Variants in HSD17B11 observed in about 807,000 individuals in gnomAD.
HSD17B11 encodes the protein estradiol 17-beta-dehydrogenase 11.
HSD17B11 carries 22 observed loss-of-function variants against 27.8 expected under a neutral mutation model. The observed-to-expected ratio is 0.79, with a 90% confidence interval of 0.56 to 1.13. HSD17B11 has a LOEUF of 1.13. Ranked by LOEUF, HSD17B11 falls within the 50% of genes most tolerant of loss-of-function variation. The pLI, the probability that HSD17B11 is intolerant of heterozygous loss-of-function variation, is 0.00. For synonymous variants in HSD17B11, 117 were observed against 132.8 expected, an observed-to-expected ratio of 0.88 and a Z score of 0.82; for missense variants, 314 against 351.1, an observed-to-expected ratio of 0.89 and a Z score of 0.84.
Position 87,340,602 on chromosome 4 carries a change from C to A in HSD17B11, c.700G>T (p.Gly234Ter), listed in dbSNP as rs138228830. Residue 234 changes from glycine to a stop codon, truncating the protein, a stop_gained, in exon 6 of 7, where the codon GGA becomes TGA. Coordinates refer to ENST00000358290, the MANE Select transcript of HSD17B11 (RefSeq NM_016245.5). LOFTEE classifies it high-confidence loss of function. The part of the protein sequence containing the change: ...GFIKNPSTSL[G>*]PTLEPEEVVN... ...ACTTCCTCAGGTTCCAGAGTGGGTC[C>A]CAAACTGAAATCAGAGTCAGTCTTC... 3 of 1,606,560 alleles carry A rather than the reference C, an allele frequency of 1.9e-6. No individual in the cohort carries two copies. The African/African-American group carries it at 4.0e-5, about 22-fold the overall frequency.
intron 5 of HSD17B11, among the ~76,000 whole-genome samples, chr4:87,341,104 C>T (rs1031523809): frequency 5.9e-5 from 9 of 152,006 alleles, no homozygotes; most frequent in South Asian, 2.1e-4. Context: ...ACCTTTAGGC[C>T]CTTCATCTCC....
In HSD17B11 at chr4:87,382,543, C is replaced by A. The variant is rs574250273; in HGVS notation, c.211-181G>T. ...GCACATTTTGCTTTTAGTATTTTGACTAGCTTCTTTTATTTGGAGCTGAAT... is the reference window on the plus strand; with the variant it reads ...GCACATTTTGCTTTTAGTATTTTGAATAGCTTCTTTTATTTGGAGCTGAAT... On this transcript the variant is annotated intron_variant, in intron 1 of 6. Coordinates refer to ENST00000358290, the MANE Select transcript of HSD17B11 (RefSeq NM_016245.5). Among the ~76,000 whole-genome samples the A allele has an allele frequency of 2.6e-5, 4 of 152,270 alleles. No homozygotes were observed. The East Asian group carries it at 7.7e-4, about 29-fold the overall frequency.
In HSD17B11 at chr4:87,353,102, T is replaced by C. The variant is rs1735316853; in HGVS notation, c.695+4177A>G. Among the ~76,000 whole-genome samples, 2 of 104,916 alleles carry C rather than the reference T, an allele frequency of 1.9e-5. 1 individual carries two copies. The highest frequency in any genetic ancestry group is 1.0e-4 in the African/African-American group (2 of 19,394). 68.8% of individuals were successfully genotyped at this position (104,916 alleles called of 152,430 possible). A position where few individuals can be genotyped will look rare whatever the true frequency, so the allele number is the denominator to read the frequency against. ...CTTCTGCGTCGCTCACGCTGGGAGC[T>C]GTAGACCGGAGCTGTTCCTATTCGG... On this transcript the variant is annotated intron_variant, in intron 5 of 6. Coordinates refer to ENST00000358290, the MANE Select transcript of HSD17B11 (RefSeq NM_016245.5).
intron 5 of HSD17B11, among the ~76,000 whole-genome samples, chr4:87,344,246 T>C (rs544776245): frequency 6.6e-6 from 1 of 152,348 alleles, no homozygotes; most frequent in African/African-American, 2.4e-5. Context: ...CCTAAATTTT[T>C]AGAGAAAAAA....
At chr4:87,339,020 T>G (rs148419452) in intron 6 of HSD17B11, among the ~76,000 whole-genome samples, 1 of 152,172 alleles carries the variant, frequency 6.6e-6, no homozygotes, top group Non-Finnish European at 1.5e-5. Flanking sequence ...CTTTGAGTCT[T>G]TATGTTTAAA....
chr4:87,370,440 G>A (rs1196832558), intron 4 of HSD17B11, among the ~76,000 whole-genome samples: 3 of 151,688 alleles, frequency 2.0e-5, no homozygotes, highest in South Asian at 2.1e-4. Context: ...TTTTTGAGAC[G>A]AAGTCTCTCT....
At chr4:87,378,888 A>T (rs1337592650) in intron 2 of HSD17B11, among the ~76,000 whole-genome samples, 9 of 9,330 alleles carry the variant, frequency 9.6e-4, no homozygotes, top group South Asian at 3.5e-3. Flanking sequence ...ATAAATATAT[A>T]TATATAAATA....
rs183514468 is a variant in HSD17B11 at position 87,361,636 on chromosome 4, G to A, written c.558-4220C>T. ...CAAAAAATTAGCTGGGCATGGTGGC[G>A]GGCACCTGTAGTCCCAGCTACTAGG... is the stretch of plus-strand genomic sequence containing the variant. On this transcript the variant is annotated intron_variant, in intron 4 of 6. Coordinates refer to ENST00000358290, the MANE Select transcript of HSD17B11 (RefSeq NM_016245.5). 4.2e-3 allele frequency among the ~76,000 whole-genome samples: 638 copies of A among 152,166 alleles called. 3 individuals are homozygous for A. Among genetic ancestry groups the A allele is most frequent in the African/African-American group, 0.014 (600 of 41,516 alleles).
chr4:87,356,971 T>C (rs886719417), intron 5 of HSD17B11, among the ~76,000 whole-genome samples: 1 of 152,150 alleles, frequency 6.6e-6, no homozygotes, highest in Non-Finnish European at 1.5e-5. Flanking sequence ...AGCCCCAACA[T>C]AGTTCCCAAG....
At chr4:87,357,892 T>C (rs1735416001) in intron 4 of HSD17B11, among the ~76,000 whole-genome samples, 1 of 151,838 alleles carries the variant, frequency 6.6e-6, no homozygotes, top group Non-Finnish European at 1.5e-5. Context: ...TATAGTAATT[T>C]TCAGTTTTCT....
intron 1 of HSD17B11, among the ~76,000 whole-genome samples, chr4:87,389,275 T>C (rs1720396190): frequency 1.3e-5 from 2 of 152,220 alleles, no homozygotes; most frequent in African/African-American, 4.8e-5. Context: ...CAAGCTGGAA[T>C]GCAATGGCAT....
intron 4 of HSD17B11, among the ~76,000 whole-genome samples, chr4:87,359,043 T>G (rs143491926): frequency 6.6e-6 from 1 of 152,286 alleles, no homozygotes; most frequent in East Asian, 1.9e-4. Flanking sequence ...CGTCTCTTGC[T>G]CTTACTCTCT....
At chr4:87,390,533 T>C (rs1272743066) in intron 1 of HSD17B11, among the ~76,000 whole-genome samples, 1 of 152,230 alleles carries the variant, frequency 6.6e-6, no homozygotes. Context: ...TCTTTTAATA[T>C]ATAGCTAAAA....
At chr4:87,357,493 C>T in intron 4 of HSD17B11, 77 bp from the exon 5 acceptor site, 1 of 1,385,922 alleles carries the variant, frequency 7.2e-7, no homozygotes, top group Non-Finnish European at 9.7e-7. Flanking sequence ...GCATGGTCCT[C>T]TGCAGAGCAA....
At chr4:87,379,720 A>G (rs1450926698) in intron 2 of HSD17B11, among the ~76,000 whole-genome samples, 1 of 144,392 alleles carries the variant, frequency 6.9e-6, no homozygotes, top group African/African-American at 2.5e-5. Flanking sequence ...GTATATAATA[A>G]TAGTATATAC....
intron 6 of HSD17B11, 169 bp downstream of exon 6, chr4:87,340,321 C>T (rs1171651496): frequency 2.4e-6 from 1 of 416,538 alleles, no homozygotes; most frequent in African/African-American, 2.1e-5. Context: ...GGTTCATTTA[C>T]CCAAGAGCTG....
chr4:87,378,857 A>AAT (rs373730646), intron 2 of HSD17B11, among the ~76,000 whole-genome samples: 259 of 19,156 alleles, frequency 0.014, 31 homozygotes, highest in African/African-American at 0.067. Context: ...TATATATATA[A>AAT]ATATATATAA....
chr4:87,359,501 A>G (rs1339654599), intron 4 of HSD17B11, among the ~76,000 whole-genome samples: 1 of 152,144 alleles, frequency 6.6e-6, no homozygotes, highest in African/African-American at 2.4e-5. Context: ...AGCTGGGACT[A>G]CAGGCATGTG....
intron 5 of HSD17B11, among the ~76,000 whole-genome samples, chr4:87,342,609 A>G (rs1034426136): frequency 2.0e-5 from 3 of 149,312 alleles, no homozygotes; most frequent in Non-Finnish European, 4.4e-5. Context: ...ATTCATTCAG[A>G]AAAAAAATAT....
Sources: allele counts gnomAD v4.1 joint callset (sites outside exome capture counted in the v4.1 genomes callset), GRCh38; gene constraint gnomAD v4.1.1; transcripts MANE v1.5; gene names NCBI Gene and HGNC (gene_info 2026-07-23, HGNC 2026-07-21).